Variants in CECR2 observed in about 807,000 individuals in gnomAD.
The protein encoded by CECR2 is chromatin remodeling regulator CECR2.
CECR2 carries 30 observed loss-of-function variants against 154.5 expected under a neutral mutation model. That is an observed-to-expected ratio of 0.19 (90% CI 0.15 to 0.26). The LOEUF (loss-of-function observed/expected upper bound fraction) is 0.26, where lower values mean the gene tolerates loss of function less well. Ranked by LOEUF, CECR2 falls within the 10% of genes least tolerant of loss-of-function variation. The pLI is 1.00. For synonymous variants in CECR2, 725 were observed against 683.7 expected, an observed-to-expected ratio of 1.06 and a Z score of -0.94; for missense variants, 1,743 against 1,829.3, an observed-to-expected ratio of 0.95 and a Z score of 0.86.
chr22:17,518,897 A>AAAAAC, intron 8 of CECR2: 1 of 241,260 alleles, frequency 4.1e-6, no homozygotes, highest in East Asian at 1.1e-4. Context: ...CCCCAAAAAA[A>AAAAAC]CTTAGCAGAG....
intron 16 of CECR2, among the ~76,000 whole-genome samples, chr22:17,545,374 C>CAAAAAAAAAAAAAAAAA (rs695493): frequency 5.0e-4 from 23 of 46,432 alleles, no homozygotes; most frequent in African/African-American, 1.1e-3. Flanking sequence ...GACTCCGTCT[C>CAAAAAAAAAAAAAAAAA]AAAAAAAAAA....
intron 7 of CECR2, among the ~76,000 whole-genome samples, chr22:17,508,633 A>G (rs948290305): frequency 2.6e-5 from 4 of 152,076 alleles, no homozygotes; most frequent in African/African-American, 9.7e-5. Flanking sequence ...AGCACACTAC[A>G]TCGTCTAGGG....
chr22:17,428,798 TTG>T lies in CECR2; in HGVS notation c.127-48762_127-48761del, dbSNP rs60474818. Among the ~76,000 whole-genome samples the T allele has an allele frequency of 4.8e-3, 654 of 136,176 alleles. 2 individuals carry two copies. The highest frequency in any genetic ancestry group is 6.4e-3 in the Non-Finnish European group (411 of 64,026). 89.3% of individuals were successfully genotyped at this position (136,176 alleles called of 152,430 possible). A position where few individuals can be genotyped will look rare whatever the true frequency, so the allele number is the denominator to read the frequency against. ...CAGATGAGAAAAATAATGTTTTTAT[TTG>T]TGTGTGTGTGTGTGTGTGTGTGTGT... On this transcript the variant is annotated intron_variant, in intron 1 of 18. Coordinates refer to ENST00000262608, the MANE Select transcript of CECR2 (RefSeq NM_001290047.2).
chr22:17,404,083 C>A (rs947384497), intron 1 of CECR2, among the ~76,000 whole-genome samples: 28 of 151,762 alleles, frequency 1.8e-4, no homozygotes, highest in Middle Eastern at 3.4e-3. Flanking sequence ...TGTGGTGAAA[C>A]CCCGTCTCTG....
At chr22:17,446,499 C>T (rs764950577) in intron 1 of CECR2, among the ~76,000 whole-genome samples, 2 of 152,124 alleles carry the variant, frequency 1.3e-5, no homozygotes, top group African/African-American at 2.4e-5. Context: ...GGGCGGATCA[C>T]GAGGTCAGGG....
rs112382766 is a variant in CECR2, at chr22:17,382,760, T to C, written c.126+12851T>C. The stretch of plus-strand genomic sequence containing the variant: ...TCTCTACTAAAAATACAAAAATCAG[T>C]TGGGTGTGGTGGTGTGCACCTGTTG... On this transcript the variant is annotated intron_variant, in intron 1 of 18. Coordinates refer to ENST00000262608, the MANE Select transcript of CECR2 (RefSeq NM_001290047.2). 2.6e-3 allele frequency among the ~76,000 whole-genome samples: 389 copies of C among 150,926 alleles called. 1 individual carries two copies. The highest frequency in any genetic ancestry group is 9.1e-3 in the African/African-American group (373 of 41,034).
intron 13 of CECR2, 140 bp downstream of exon 13, chr22:17,539,259 T>C (rs1601536851): frequency 9.0e-6 from 8 of 892,602 alleles, no homozygotes. Context: ...GATTGACCAT[T>C]CCAGCCACTT....
At chr22:17,368,988 T>C (rs1477820027), upstream of CECR2, among the ~76,000 whole-genome samples, 2 of 152,112 alleles carry the variant, frequency 1.3e-5, no homozygotes, top group Non-Finnish European at 2.9e-5. Context: ...TGGAAAGCAC[T>C]TCACTTCTCT....
At chr22:17,488,130 C>T (rs535536807) in intron 2 of CECR2, among the ~76,000 whole-genome samples, 4 of 152,230 alleles carry the variant, frequency 2.6e-5, no homozygotes, top group South Asian at 2.1e-4. Context: ...GATCTGCCCC[C>T]CCTTGGCCTC....
At chr22:17,405,475 T>TAAAATATAAAATATAAA (rs1555903841) in intron 1 of CECR2, among the ~76,000 whole-genome samples, 1 of 147,294 alleles carries the variant, frequency 6.8e-6, no homozygotes, top group African/African-American at 2.5e-5. Flanking sequence ...TAAAATAAAA[T>TAAAATATAAAATATAAA]ATAAAATAAA....
intron 1 of CECR2, among the ~76,000 whole-genome samples, chr22:17,445,520 C>A (rs1185981521): frequency 6.7e-6 from 1 of 149,868 alleles, no homozygotes; most frequent in Non-Finnish European, 1.5e-5. Context: ...TTACATATAA[C>A]CTATGCACAT....
chr22:17,509,858 G>A, intron 7 of CECR2, among the ~76,000 whole-genome samples: 1 of 152,104 alleles, frequency 6.6e-6, no homozygotes, highest in South Asian at 2.1e-4. Context: ...ATCCTTCTCT[G>A]TCCGCCATCA....
At position 17,414,226 on chromosome 22, in the gene CECR2, C is replaced by T. The variant is rs1407961860; in HGVS notation, c.126+44317C>T. Reference sequence around the variant, plus strand: ...TGACCTCGTGATCCGCCCGCCTTGGCCTCCCAAAGTGCTGGGATTACAGGC... The same window carrying T: ...TGACCTCGTGATCCGCCCGCCTTGGTCTCCCAAAGTGCTGGGATTACAGGC... On this transcript the variant is annotated intron_variant, in intron 1 of 18. Coordinates refer to ENST00000262608, the MANE Select transcript of CECR2 (RefSeq NM_001290047.2). 6.6e-5 allele frequency among the ~76,000 whole-genome samples: 10 copies of T among 152,264 alleles called. No individual in the cohort carries two copies. In the East Asian group the frequency reaches 1.5e-3, roughly 24 times the overall value.
chr22:17,540,807 A>G lies in CECR2; in HGVS notation c.1884+7A>G. 1.3e-6 allele frequency: 2 copies of G among 1,544,520 alleles called. No individual in the cohort carries two copies. Among genetic ancestry groups the G allele is most frequent in the Non-Finnish European group, 1.7e-6 (2 of 1,145,376 alleles). ...ACCCTTTTTAAACCAGATGGTAAGG[A>G]ATAGAGTGGAGACTGTTGCGGTTTC... On this transcript the variant is annotated splice_region_variant and intron_variant, in intron 14 of 18. Transcript: ENST00000262608.
chr22:17,467,350 G>A (rs143858703), intron 1 of CECR2, among the ~76,000 whole-genome samples: 12 of 152,220 alleles, frequency 7.9e-5, no homozygotes, highest in African/African-American at 2.2e-4. Flanking sequence ...TTTGAGGAAC[G>A]TATCTGTAGA....
At chr22:17,387,543 A>G (rs1007657504) in intron 1 of CECR2, among the ~76,000 whole-genome samples, 19 of 152,180 alleles carry the variant, frequency 1.2e-4, no homozygotes, top group Admixed American at 8.5e-4. Context: ...GCGTGTGTCC[A>G]GCAGGAGCCA....
intron 1 of CECR2, among the ~76,000 whole-genome samples, chr22:17,381,000 C>T (rs1307681905): frequency 7.0e-6 from 1 of 143,052 alleles, no homozygotes; most frequent in Non-Finnish European, 1.5e-5. Flanking sequence ...GTCTCTCTGT[C>T]TTCCTGAAAG....
intron 1 of CECR2, among the ~76,000 whole-genome samples, chr22:17,429,297 A>G (rs183100057): frequency 3.5e-4 from 53 of 152,260 alleles, no homozygotes; most frequent in African/African-American, 1.2e-3. Context: ...ATAGTATTAC[A>G]AGGACTAGAG....
intron 9 of CECR2, among the ~76,000 whole-genome samples, chr22:17,527,602 A>G (rs1220294062): frequency 6.6e-6 from 1 of 152,178 alleles, no homozygotes; most frequent in African/African-American, 2.4e-5. Context: ...CCCTGCCTCT[A>G]CTAAAAATAC....
Sources: gnomAD v4.1 joint callset for allele counts (sites outside exome capture counted in the v4.1 genomes callset) on GRCh38, gnomAD v4.1.1 for gene constraint, MANE v1.5 for transcripts, NCBI Gene and HGNC (gene_info 2026-07-23, HGNC 2026-07-21) for gene names.